Variants in MALRD1 observed in about 807,000 individuals in gnomAD.
MALRD1 encodes MAM and LDL-receptor class A domain-containing protein 1.
MALRD1 carries 247 observed loss-of-function variants against 242.1 expected under a neutral mutation model. The observed-to-expected ratio is 1.02, with a 90% CI of 0.92 to 1.13. MALRD1 has a LOEUF of 1.13. MALRD1 is among the 50% of genes most tolerant of loss of function. MALRD1 has a pLI of 0.00. For missense variants in MALRD1, 2,989 were observed against 2,533.1 expected, an observed-to-expected ratio of 1.18 and a Z score of -3.86; for synonymous variants, 995 against 866.6, an observed-to-expected ratio of 1.15 and a Z score of -2.60.
intron 28 of MALRD1, among the ~76,000 whole-genome samples, chr10:19,397,899 G>A (rs964698836): frequency 6.6e-6 from 1 of 151,076 alleles, no homozygotes; most frequent in Non-Finnish European, 1.5e-5. Flanking sequence ...TTTCCCTGAT[G>A]ATTAGTGATG....
Position 19,710,343 on chromosome 10 carries a change from T to C in MALRD1, c.6314+17789T>C, listed in dbSNP as rs1259698612. The C allele has an allele frequency of 3.9e-5, 6 of 152,156 alleles. 1 individual carries two copies. Among genetic ancestry groups the C allele is most frequent in the Admixed American group, 3.9e-4 (6 of 15,264 alleles). The allele number at this position is 152,156 out of a possible 1,614,324, so 9.4% of individuals were successfully genotyped here. A position where few individuals can be genotyped will look rare whatever the true frequency, so the allele number is the denominator to read the frequency against. ...TGATGAACCCTTTTTAAAAAAGTAA[T>C]AATCATATTTATTGATGAAACATGA... On this transcript the variant is annotated intron_variant, in intron 38 of 39. Transcript: ENST00000454679.
chr10:19,219,597 G>C (rs577328866), intron 18 of MALRD1, among the ~76,000 whole-genome samples: 2 of 151,878 alleles, frequency 1.3e-5, no homozygotes, highest in African/African-American at 2.4e-5. Context: ...CCACCACACC[G>C]GCTAATTTTT....
At chr10:19,136,098 T>G (rs1273184870) in intron 9 of MALRD1, among the ~76,000 whole-genome samples, 1 of 152,228 alleles carries the variant, frequency 6.6e-6, no homozygotes, top group African/African-American at 2.4e-5. Flanking sequence ...TTTTTCTTCA[T>G]GTATTCAAAT....
intron 1 of MALRD1, among the ~76,000 whole-genome samples, chr10:19,052,703 C>T (rs1398783939): frequency 6.7e-6 from 1 of 149,514 alleles, no homozygotes; most frequent in African/African-American, 2.4e-5. Context: ...GCTTTGCCTG[C>T]ACCCCTGGTT....
At chr10:19,567,356 C>G in intron 32 of MALRD1, 146 bp from the exon 33 acceptor site, 1 of 744,038 alleles carries the variant, frequency 1.3e-6, no homozygotes, top group Non-Finnish European at 2.1e-6. Flanking sequence ...CACTTTATAA[C>G]CCACAATTTC....
At chr10:19,663,230 T>A (rs1424608763) in intron 36 of MALRD1, among the ~76,000 whole-genome samples, 1 of 152,150 alleles carries the variant, frequency 6.6e-6, no homozygotes, top group Non-Finnish European at 1.5e-5. Context: ...TCTATGCCCA[T>A]GTGTACAAAT....
intron 18 of MALRD1, among the ~76,000 whole-genome samples, chr10:19,255,866 A>C (rs1465323241): frequency 1.3e-5 from 2 of 152,032 alleles, no homozygotes; most frequent in East Asian, 3.9e-4. Context: ...AGCAAATCAC[A>C]TTCTCTAACC....
chr10:19,055,301 C>T (rs1325388928), intron 1 of MALRD1, among the ~76,000 whole-genome samples: 4 of 152,110 alleles, frequency 2.6e-5, no homozygotes, highest in Non-Finnish European at 5.9e-5. Flanking sequence ...TGAATATCAA[C>T]CATTATCAGA....
In MALRD1 at chr10:19,626,258, G is replaced by A. The variant is rs1839645706; in HGVS notation, c.6137+10335G>A. Reference sequence around the variant, plus strand: ...TTCAAAAAATTTCAATATTTTTTCTGTCAAAAAACTGAAGGCATTTTCCCT... The same window carrying A: ...TTCAAAAAATTTCAATATTTTTTCTATCAAAAAACTGAAGGCATTTTCCCT... On this transcript the variant is annotated intron_variant, in intron 36 of 39. Transcript: ENST00000454679. 2.0e-5 allele frequency among the ~76,000 whole-genome samples: 3 copies of A among 146,454 alleles called. No homozygotes were observed. In the South Asian group the frequency reaches 6.4e-4, roughly 31 times the overall value.
chr10:19,333,590 T>C (rs1201096458), intron 24 of MALRD1, among the ~76,000 whole-genome samples: 2 of 152,178 alleles, frequency 1.3e-5, no homozygotes, highest in African/African-American at 4.8e-5. Context: ...CTATTGTGAA[T>C]CGTGCTCCGA....
intron 29 of MALRD1, among the ~76,000 whole-genome samples, chr10:19,453,987 GA>G (rs1218390900): frequency 2.0e-5 from 3 of 152,146 alleles, no homozygotes; most frequent in African/African-American, 7.2e-5. Context: ...CTAAGCCCAG[GA>G]GTTGGAGGTT....
intron 33 of MALRD1, among the ~76,000 whole-genome samples, chr10:19,588,251 C>T (rs1209559753): frequency 2.0e-5 from 3 of 151,942 alleles, no homozygotes; most frequent in South Asian, 4.1e-4. Context: ...TTCTTCAGTT[C>T]GTCCATTTTG....
At chr10:19,327,197 G>A (rs1588915717) in intron 22 of MALRD1, among the ~76,000 whole-genome samples, 1 of 151,992 alleles carries the variant, frequency 6.6e-6, no homozygotes, top group East Asian at 1.9e-4. Context: ...GTTTTAGTAA[G>A]CAATTCCATA....
chr10:19,312,400 A>ATATATG (rs1491220851), intron 21 of MALRD1, among the ~76,000 whole-genome samples: 12 of 143,626 alleles, frequency 8.4e-5, no homozygotes, highest in African/African-American at 1.8e-4. Context: ...ATATATATAT[A>ATATATG]TGTGTATATG....
At chr10:19,317,107 C>T (rs961606760) in intron 21 of MALRD1, among the ~76,000 whole-genome samples, 1 of 151,460 alleles carries the variant, frequency 6.6e-6, no homozygotes, top group Non-Finnish European at 1.5e-5. Context: ...CTATTGAACA[C>T]TGGCTTGGCT....
At chr10:19,719,999 A>G (rs539404512) in intron 38 of MALRD1, among the ~76,000 whole-genome samples, 16 of 152,274 alleles carry the variant, frequency 1.1e-4, no homozygotes, top group Middle Eastern at 3.4e-3. Flanking sequence ...GGTTGACTTC[A>G]TAGACTCAAC....
intron 30 of MALRD1, among the ~76,000 whole-genome samples, chr10:19,495,619 AAC>A (rs1230220283): frequency 6.6e-6 from 1 of 152,176 alleles, no homozygotes; most frequent in Admixed American, 6.5e-5. Flanking sequence ...CCACTACAAA[AAC>A]ACACCTAAGT....
At chr10:19,067,599 T>C (rs1835019255) in intron 2 of MALRD1, among the ~76,000 whole-genome samples, 1 of 152,116 alleles carries the variant, frequency 6.6e-6, no homozygotes. Flanking sequence ...TGTTCAGGCA[T>C]TGGATGTTAG....
intron 1 of MALRD1, among the ~76,000 whole-genome samples, chr10:19,055,012 A>G (rs908422237): frequency 6.6e-6 from 1 of 152,192 alleles, no homozygotes; most frequent in Non-Finnish European, 1.5e-5. Flanking sequence ...TTACATTCAC[A>G]CCAACAATGT....
Sources: allele counts gnomAD v4.1 joint callset (sites outside exome capture counted in the v4.1 genomes callset), GRCh38; gene constraint gnomAD v4.1.1; transcripts MANE v1.5; gene names NCBI Gene and HGNC (gene_info 2026-07-23, HGNC 2026-07-21).